COL5A2: variants seen among roughly 807,000 people sequenced by gnomAD.
COL5A2 encodes the protein collagen alpha-2(V) chain.
In COL5A2, 23 loss-of-function variants were observed where a neutral mutation model predicts 208.2. The ratio of observed to expected loss-of-function variants is 0.11; its 90% CI spans 0.08 to 0.16. COL5A2 has a LOEUF of 0.16. COL5A2 is among the 10% of genes least tolerant of loss of function. The pLI is 1.00. For synonymous variants in COL5A2, 625 were observed against 628.5 expected (o/e 0.99, Z 0.08); for missense variants, 1,590 against 1,956.4 (o/e 0.81, Z 3.53).
chr2:189,179,165 A>C (rs373944289), intron 1 of COL5A2, among the ~76,000 whole-genome samples: 5 of 152,166 alleles, frequency 3.3e-5, no homozygotes, highest in African/African-American at 9.7e-5. Flanking sequence ...ACTCCAGCCC[A>C]CAGAACAGAG....
intron 8 of COL5A2, 82 bp from the exon 9 acceptor site, chr2:189,086,852 G>T: frequency 8.2e-7 from 1 of 1,226,128 alleles, no homozygotes; most frequent in South Asian, 1.3e-5. Flanking sequence ...ATCATCTCTA[G>T]AATCTGGAAA....
At chr2:189,221,373 T>C (rs2105878946) in intron 1 of COL5A2, among the ~76,000 whole-genome samples, 1 of 152,248 alleles carries the variant, frequency 6.6e-6, no homozygotes, top group South Asian at 2.1e-4. Flanking sequence ...TGGAAATGGA[T>C]AAAGACCTAG....
rs1685735868 is a variant in COL5A2, at chr2:189,049,391, C to T, written c.3103G>A (p.Gly1035Arg). Residue 1035 changes from glycine to arginine, a missense_variant, in exon 44 of 54, where the codon GGG (glycine) becomes AGG (arginine). Transcript: ENST00000374866. ...ACAGGACCATTGGAGCCTGGGGGCC[C>T]CACAGGTCCAGGTGGACCTTTATCT... ...TGDKGPPGPVGPPGSNGPVGE... is the reference protein window; with the variant it reads ...TGDKGPPGPVRPPGSNGPVGE... 1 of 1,613,622 alleles carries T rather than the reference C, an allele frequency of 6.2e-7. No homozygotes were observed. The highest frequency in any genetic ancestry group is 8.5e-7 in the Non-Finnish European group (1 of 1,179,804).
the COL5A2 span, among the ~76,000 whole-genome samples, chr2:189,343,548 A>C: frequency 6.6e-6 from 1 of 152,146 alleles, no homozygotes; most frequent in East Asian, 1.9e-4. Flanking sequence ...TTACACAAAA[A>C]GTTCACCTAC....
chr2:189,404,390 T>A, the COL5A2 span, among the ~76,000 whole-genome samples: 2 of 152,218 alleles, frequency 1.3e-5, no homozygotes, highest in African/African-American at 4.8e-5. Flanking sequence ...TATTGATACA[T>A]TAGCGCTCCT....
At chr2:189,354,928 T>A in the COL5A2 span, among the ~76,000 whole-genome samples, 1 of 152,224 alleles carries the variant, frequency 6.6e-6, no homozygotes, top group Non-Finnish European at 1.5e-5. Flanking sequence ...GTGCTATAAA[T>A]TTCCCTCTAC....
chr2:189,253,112 A>C, the COL5A2 span, among the ~76,000 whole-genome samples: 1 of 152,188 alleles, frequency 6.6e-6, no homozygotes, highest in Admixed American at 6.5e-5. Flanking sequence ...CTAAGAGAAT[A>C]TTGCCATAAT....
chr2:189,232,032 T>C, the COL5A2 span, among the ~76,000 whole-genome samples: 1 of 151,692 alleles, frequency 6.6e-6, no homozygotes, highest in South Asian at 2.1e-4. Context: ...GGCAGGACTT[T>C]TAGAATGGTT....
At chr2:189,067,938 T>C (rs941450077) in intron 21 of COL5A2, 77 bp downstream of exon 21, 33 of 1,177,670 alleles carry the variant, frequency 2.8e-5, no homozygotes, top group Non-Finnish European at 3.8e-5. Flanking sequence ...TTTCATTGCA[T>C]CACATGACAT....
the COL5A2 span, among the ~76,000 whole-genome samples, chr2:189,254,251 C>T: frequency 3.6e-4 from 55 of 151,968 alleles, no homozygotes; most frequent in East Asian, 9.6e-3. Flanking sequence ...TTTAAGCAAA[C>T]GTCATGCTAT....
At chr2:189,089,479 T>G (rs546379367) in intron 7 of COL5A2, among the ~76,000 whole-genome samples, 1 of 152,210 alleles carries the variant, frequency 6.6e-6, no homozygotes, top group Admixed American at 6.5e-5. Context: ...CTACAATCTG[T>G]TGAGAAAAAT....
chr2:189,295,785 C>T, the COL5A2 span, among the ~76,000 whole-genome samples: 5 of 149,372 alleles, frequency 3.3e-5, no homozygotes, highest in South Asian at 8.6e-4. Context: ...TTCCGTGAGC[C>T]TCCTTTTTTA....
rs747187486 is a variant in COL5A2, at chr2:189,068,206, G to T, written c.1302+20C>A. Reference sequence around the variant, plus strand: ...AATCATGCCCATTTGAGCTTCACATGCCATAAATGCAGTACTCACCGTTGG... The same window carrying T: ...AATCATGCCCATTTGAGCTTCACATTCCATAAATGCAGTACTCACCGTTGG... On this transcript the variant is annotated intron_variant, in intron 20 of 53. Transcript: ENST00000374866. 3.7e-6 allele frequency: 6 copies of T among 1,612,686 alleles called. No individual in the cohort carries two copies. In the South Asian group the frequency reaches 6.6e-5, roughly 18 times the overall value.
At chr2:189,436,108 A>G in the COL5A2 span, among the ~76,000 whole-genome samples, 1 of 152,180 alleles carries the variant, frequency 6.6e-6, no homozygotes, top group Admixed American at 6.5e-5. Context: ...GTTCTCACTC[A>G]TAGGTGGGAA....
the COL5A2 span, among the ~76,000 whole-genome samples, chr2:189,238,845 G>A: frequency 6.6e-6 from 1 of 152,052 alleles, no homozygotes; most frequent in African/African-American, 2.4e-5. Flanking sequence ...TTGACACGTG[G>A]GGATTATGGG....
At chr2:189,141,516 A>G (rs1687933986) in intron 1 of COL5A2, among the ~76,000 whole-genome samples, 1 of 152,184 alleles carries the variant, frequency 6.6e-6, no homozygotes, top group Non-Finnish European at 1.5e-5. Context: ...ATTAATATAT[A>G]CAATTATCTG....
At chr2:189,359,783 G>A in the COL5A2 span, among the ~76,000 whole-genome samples, 3 of 151,852 alleles carry the variant, frequency 2.0e-5, no homozygotes, top group Non-Finnish European at 4.4e-5. Flanking sequence ...TTTTTTTCAT[G>A]GTTCAATCTT....
chr2:189,376,628 T>C, the COL5A2 span, among the ~76,000 whole-genome samples: 1 of 152,222 alleles, frequency 6.6e-6, no homozygotes, highest in East Asian at 1.9e-4. Flanking sequence ...TGTATTTGTA[T>C]TCCCTAATAT....
chr2:189,277,744 C>T, the COL5A2 span, among the ~76,000 whole-genome samples: 1 of 152,082 alleles, frequency 6.6e-6, no homozygotes, highest in Non-Finnish European at 1.5e-5. Flanking sequence ...ATCACAGACT[C>T]ACTAAAACTA....
Sources: allele counts gnomAD v4.1 joint callset (sites outside exome capture counted in the v4.1 genomes callset), GRCh38; gene constraint gnomAD v4.1.1; transcripts MANE v1.5; gene names NCBI Gene and HGNC (gene_info 2026-07-23, HGNC 2026-07-21).